Variants in TNFSF15 observed in about 807,000 individuals in gnomAD.
TNFSF15 encodes the protein tumor necrosis factor ligand superfamily member 15.
A neutral mutation model predicts 26.4 loss-of-function variants in TNFSF15; 15 were observed. The ratio of observed to expected loss-of-function variants is 0.57; its 90% CI spans 0.38 to 0.87. TNFSF15 has a LOEUF of 0.87. Ranked by LOEUF, TNFSF15 falls within the 40% of genes least tolerant of loss-of-function variation. The pLI is 0.00. For missense variants in TNFSF15, 290 were observed against 306.1 expected (o/e 0.95, Z 0.39); for synonymous variants, 116 against 115.0 (o/e 1.01, Z -0.06).
chr9:114,786,401 T>C lies in TNFSF15; in HGVS notation c.*4051A>G, dbSNP rs1051155614. ...ATACCTTGCAAGAGAATGTTGGCAA[T>C]GGCCGTGCCTTGTGCACAGTGAGTT... is the stretch of plus-strand genomic sequence containing the variant. On this transcript the variant is annotated 3_prime_UTR_variant, in exon 4 of 4. Transcript: ENST00000374045. 6.6e-6 allele frequency: 1 copy of C among 152,206 alleles called. No homozygotes were observed. Among genetic ancestry groups the C allele is most frequent in the Non-Finnish European group, 1.5e-5 (1 of 68,048 alleles). The allele number at this position is 152,206 out of a possible 1,614,324, so 9.4% of individuals were successfully genotyped here.
At position 114,788,979 on chromosome 9, in the gene TNFSF15, A is replaced by G. The variant is rs1452194794; in HGVS notation, c.*1473T>C. On this transcript the variant is annotated 3_prime_UTR_variant, in exon 4 of 4. Coordinates refer to ENST00000374045, the MANE Select transcript of TNFSF15 (RefSeq NM_005118.4). ...GGCTAGGCTCATTAGCTAATCCCATATGTAAATCCCTTTGAATATTTTAAG... is the reference window on the plus strand; with the variant it reads ...GGCTAGGCTCATTAGCTAATCCCATGTGTAAATCCCTTTGAATATTTTAAG... 1.3e-5 allele frequency: 2 copies of G among 152,236 alleles called. No homozygotes were observed. Among genetic ancestry groups the G allele is most frequent in the Non-Finnish European group, 2.9e-5 (2 of 68,044 alleles). The allele number at this position is 152,236 out of a possible 1,614,324, so 9.4% of individuals were successfully genotyped here. A position where few individuals can be genotyped will look rare whatever the true frequency, so the allele number is the denominator to read the frequency against.
rs1003362334 is a variant in TNFSF15, at chr9:114,784,926, G to A, written c.*5526C>T. Reference sequence around the variant, plus strand: ...TCTGTACACCCCTGAAACAAAAAAAGGGGAACATTACATGCTTTAATGACT... The same window carrying A: ...TCTGTACACCCCTGAAACAAAAAAAAGGGAACATTACATGCTTTAATGACT... On this transcript the variant is annotated 3_prime_UTR_variant, in exon 4 of 4. Transcript: ENST00000374045. The A allele has an allele frequency of 2.0e-5, 3 of 152,140 alleles. No individual in the cohort carries two copies. The highest frequency in any genetic ancestry group is 2.0e-4 in the Admixed American group (3 of 15,268). 9.4% of individuals were successfully genotyped at this position (152,140 alleles called of 1,614,324 possible).
intron 2 of TNFSF15, 148 bp downstream of exon 2, chr9:114,793,378 G>A (rs1829633529): frequency 3.3e-6 from 3 of 916,626 alleles, no homozygotes; most frequent in Non-Finnish European, 5.0e-6. Flanking sequence ...CTTAGTGCCT[G>A]CAGCAGAGCC....
At chr9:114,798,700 A>G (rs917887504) in intron 1 of TNFSF15, among the ~76,000 whole-genome samples, 2 of 152,158 alleles carry the variant, frequency 1.3e-5, no homozygotes, top group Non-Finnish European at 2.9e-5. Flanking sequence ...CCAAGTACAG[A>G]CCCTGGCACA....
At chr9:114,803,389 G>A (rs1229204535) in intron 1 of TNFSF15, among the ~76,000 whole-genome samples, 1 of 152,114 alleles carries the variant, frequency 6.6e-6, no homozygotes, top group African/African-American at 2.4e-5. Context: ...CAGAGAAAAG[G>A]AAAAAGGCTC....
intron 1 of TNFSF15, among the ~76,000 whole-genome samples, 180 bp from the exon 2 acceptor site, chr9:114,793,748 C>T (rs996792358): frequency 6.6e-6 from 1 of 152,198 alleles, no homozygotes; most frequent in African/African-American, 2.4e-5. Context: ...CAGCTCTCCA[C>T]TTTCCTCCCC....
rs962597330 is a variant in TNFSF15 at position 114,787,567 on chromosome 9, G to A, written c.*2885C>T. The A allele has an allele frequency of 6.6e-6, 1 of 152,436 alleles. No individual in the cohort carries two copies. The highest frequency in any genetic ancestry group is 2.4e-5 in the African/African-American group (1 of 41,404). 9.4% of individuals were successfully genotyped at this position (152,436 alleles called of 1,614,324 possible). On this transcript the variant is annotated 3_prime_UTR_variant, in exon 4 of 4. Transcript: ENST00000374045. ...CTCCCTAAATTTACTGTTTTCTAAA[G>A]CATGCTTCTTCCTCCCTCCCAAACC...
chr9:114,800,987 A>G (rs767599492), intron 1 of TNFSF15, among the ~76,000 whole-genome samples: 2 of 152,152 alleles, frequency 1.3e-5, no homozygotes, highest in Non-Finnish European at 2.9e-5. Context: ...ATTTTCAGGG[A>G]GGCATGAAGT....
intron 1 of TNFSF15, among the ~76,000 whole-genome samples, chr9:114,804,518 G>A (rs1263243035): frequency 6.6e-6 from 1 of 152,204 alleles, no homozygotes; most frequent in Non-Finnish European, 1.5e-5. Flanking sequence ...GCCACTCAGT[G>A]TCTCATTCAA....
Position 114,787,194 on chromosome 9 carries a change from C to A in TNFSF15, c.*3258G>T, listed in dbSNP as rs954378902. ...TGGATTCTACAATAAAAAATGGGAA[C>A]TTTTTTACCTTCTTGATTTATGGAA... On this transcript the variant is annotated 3_prime_UTR_variant, in exon 4 of 4. Coordinates refer to ENST00000374045, the MANE Select transcript of TNFSF15 (RefSeq NM_005118.4). 6.6e-6 allele frequency: 1 copy of A among 152,034 alleles called. No individual in the cohort carries two copies. Among genetic ancestry groups the A allele is most frequent in the South Asian group, 2.1e-4 (1 of 4,826 alleles). The allele number at this position is 152,034 out of a possible 1,614,324, so 9.4% of individuals were successfully genotyped here. A position where few individuals can be genotyped will look rare whatever the true frequency, so the allele number is the denominator to read the frequency against.
chr9:114,792,426 C>T lies in TNFSF15; in HGVS notation c.282G>A (p.Lys94=). ...GCTTACCTGTCAGGTGTGCCCTTGG[C>T]TTATCTCCGTCTGCTCTAAGAGGTG... ...VYAPLRADGD[K]PRAHLTVVRQ... Residue 94 remains lysine (K), a synonymous_variant, in exon 3 of 4, where the codon AAG becomes AAA. Coordinates refer to ENST00000374045, the MANE Select transcript of TNFSF15 (RefSeq NM_005118.4). 1 of 1,614,088 alleles carries T rather than the reference C, an allele frequency of 6.2e-7. No individual in the cohort carries two copies. The highest frequency in any genetic ancestry group is 1.1e-5 in the South Asian group (1 of 91,066).
chr9:114,802,089 G>GTA (rs1829756523), intron 1 of TNFSF15, among the ~76,000 whole-genome samples: 1 of 152,056 alleles, frequency 6.6e-6, no homozygotes, highest in African/African-American at 2.4e-5. Context: ...TATTTGCTTG[G>GTA]CTGCATAAGA....
intron 1 of TNFSF15, among the ~76,000 whole-genome samples, chr9:114,796,331 G>T (rs906226712): frequency 6.6e-6 from 1 of 152,112 alleles, no homozygotes; most frequent in African/African-American, 2.4e-5. Flanking sequence ...ATACTACACT[G>T]CTTATAAACC....
At position 114,805,877 on chromosome 9, in the gene TNFSF15, A is replaced by T; in HGVS notation, c.136T>A (p.Phe46Ile). 1 of 1,614,056 alleles carries T rather than the reference A, an allele frequency of 6.2e-7. No individual in the cohort carries two copies. The highest frequency in any genetic ancestry group is 1.1e-5 in the South Asian group (1 of 91,066). The change falls in exon 1 of 4, where the codon TTC becomes ATC. Residue 46 changes from phenylalanine to isoleucine, a missense_variant. Coordinates refer to ENST00000374045, the MANE Select transcript of TNFSF15 (RefSeq NM_005118.4). Reference protein sequence around the residue: ...ALTCCLVLLPFLAGLTTYLLV... With the variant: ...ALTCCLVLLPILAGLTTYLLV... ...AGGTATGTGGTGAGTCCTGCAAGGA[A>T]GGGGAGCAACACCAGGCAGCAGGTG...
At chr9:114,801,787 G>A (rs1019261306) in intron 1 of TNFSF15, among the ~76,000 whole-genome samples, 1 of 152,084 alleles carries the variant, frequency 6.6e-6, no homozygotes, top group African/African-American at 2.4e-5. Flanking sequence ...GAAATCTAAA[G>A]GACCTAACAG....
chr9:114,793,539 T>C lies in TNFSF15; in HGVS notation c.240A>G (p.Ser80=). ...QALKGQEFAP[S]HQQVYAPLRA... is the part of the protein sequence containing the mutation. ...GAGCATACTTACAAACTTGCTGATG[T>C]GAAGGTGCAAACTCCTGTCCTTTTA... The change falls in exon 2 of 4, where the codon TCA becomes TCG. Residue 80 remains serine, a synonymous_variant. Transcript: ENST00000374045. 6.2e-7 allele frequency: 1 copy of C among 1,613,900 alleles called. No individual in the cohort carries two copies. Among genetic ancestry groups the C allele is most frequent in the Non-Finnish European group, 8.5e-7 (1 of 1,179,796 alleles).
chr9:114,792,309 T>C (rs1001939975), intron 3 of TNFSF15, 98 bp downstream of exon 3: 1 of 1,454,070 alleles, frequency 6.9e-7, no homozygotes, highest in Non-Finnish European at 9.3e-7. Flanking sequence ...GAATGTAGTT[T>C]TCATTTTAAG....
At chr9:114,799,895 C>T (rs1829722163) in intron 1 of TNFSF15, among the ~76,000 whole-genome samples, 1 of 152,210 alleles carries the variant, frequency 6.6e-6, no homozygotes, top group African/African-American at 2.4e-5. Context: ...GTTTCCCTTC[C>T]CTTTGCCCAC....
At chr9:114,800,888 C>G (rs1829737996) in intron 1 of TNFSF15, among the ~76,000 whole-genome samples, 1 of 152,300 alleles carries the variant, frequency 6.6e-6, no homozygotes, top group East Asian at 1.9e-4. Flanking sequence ...CCCAAGCCAT[C>G]ACTACAAGAC....
Sources: allele counts gnomAD v4.1 joint callset (sites outside exome capture counted in the v4.1 genomes callset), GRCh38; gene constraint gnomAD v4.1.1; transcripts MANE v1.5; gene names NCBI Gene and HGNC (gene_info 2026-07-23, HGNC 2026-07-21).